DOCK10: variants seen among roughly 807,000 people sequenced by gnomAD.
DOCK10 encodes dedicator of cytokinesis protein 10.
In DOCK10, 145 loss-of-function variants were observed where a neutral mutation model predicts 280.1. That is an observed-to-expected ratio of 0.52 (90% CI 0.45 to 0.59). DOCK10 has a LOEUF of 0.59. Ranked by LOEUF, DOCK10 falls within the 20% of genes least tolerant of loss-of-function variation. The pLI is 0.00. For missense variants in DOCK10, 2,368 were observed against 2,651.7 expected (o/e 0.89, Z 2.35); for synonymous variants, 915 against 942.2 (o/e 0.97, Z 0.53).
At chr2:224,960,678 C>T (rs1471653253) in intron 1 of DOCK10, among the ~76,000 whole-genome samples, 1 of 146,492 alleles carries the variant, frequency 6.8e-6, no homozygotes, top group Non-Finnish European at 1.5e-5. Context: ...ACTTGGTACT[C>T]ATTTTCAACT....
chr2:224,841,807 A>C lies in DOCK10; in HGVS notation c.2658T>G (p.Cys886Trp). The change falls in exon 23 of 56, where the codon TGT (cysteine) becomes TGG (tryptophan). Residue 886 changes from cysteine to tryptophan, a missense_variant. By Grantham distance (215) the Cys-to-Trp change is radical (BLOSUM62 -2). Transcript: ENST00000258390. Reference protein sequence around the residue: ...QSPTSNFIRSCKNLLNVEKIH... With the variant: ...QSPTSNFIRSWKNLLNVEKIH... Reference sequence around the variant, plus strand: ...AACTGCTTGCATGTCATGTTACCTTACAAGAGCGGATGAAATTTGAGGTAG... The same window carrying C: ...AACTGCTTGCATGTCATGTTACCTTCCAAGAGCGGATGAAATTTGAGGTAG... 1 of 1,606,942 alleles carries C rather than the reference A, an allele frequency of 6.2e-7. No homozygotes were observed. The highest frequency in any genetic ancestry group is 1.1e-5 in the South Asian group (1 of 90,922).
intron 24 of DOCK10, 40 bp from the exon 25 acceptor site, chr2:224,837,871 G>A (rs755758935): frequency 7.0e-5 from 107 of 1,522,658 alleles, no homozygotes; most frequent in Non-Finnish European, 9.6e-5. Context: ...TCTGGAGAGG[G>A]CAGAAAAACC....
intron 1 of DOCK10, among the ~76,000 whole-genome samples, chr2:225,011,079 T>C (rs1159834314): frequency 6.6e-6 from 1 of 152,224 alleles, no homozygotes; most frequent in Non-Finnish European, 1.5e-5. Context: ...AAAGTAGTGA[T>C]GGAAAATATT....
chr2:224,905,023 T>C (rs1046891821), intron 3 of DOCK10, among the ~76,000 whole-genome samples: 1 of 152,178 alleles, frequency 6.6e-6, no homozygotes, highest in Non-Finnish European at 1.5e-5. Context: ...AAGTCTTATC[T>C]TGAATATTCA....
intron 1 of DOCK10, among the ~76,000 whole-genome samples, chr2:225,035,221 A>T (rs998384174): frequency 1.3e-5 from 2 of 152,092 alleles, no homozygotes; most frequent in African/African-American, 4.8e-5. Flanking sequence ...CAAGTGCATA[A>T]TGGAACTCCA....
At chr2:225,005,048 G>C (rs901207978) in intron 1 of DOCK10, among the ~76,000 whole-genome samples, 1 of 152,126 alleles carries the variant, frequency 6.6e-6, no homozygotes, top group Non-Finnish European at 1.5e-5. Flanking sequence ...TAGAAAAGAG[G>C]TCATTAGATA....
At chr2:225,041,886 A>G (rs1487890598) in intron 1 of DOCK10, among the ~76,000 whole-genome samples, 2 of 151,908 alleles carry the variant, frequency 1.3e-5, no homozygotes, top group Non-Finnish European at 2.9e-5. Context: ...AGATCCCCCC[A>G]CCCCACCCGG....
intron 1 of DOCK10, among the ~76,000 whole-genome samples, chr2:225,031,993 A>G (rs1690091064): frequency 6.6e-6 from 1 of 152,236 alleles, no homozygotes; most frequent in East Asian, 1.9e-4. Flanking sequence ...GTTTTATGCT[A>G]CCATCTTCAC....
At chr2:225,018,568 TATATATATATA>T (rs552424008) in intron 1 of DOCK10, among the ~76,000 whole-genome samples, 3,393 of 25,846 alleles carry the variant, frequency 0.13, 1,121 homozygotes, top group Non-Finnish European at 0.17. Flanking sequence ...TATGTAATAT[TATATATATATA>T]ATATATATGT....
At chr2:224,853,215 T>C (rs1224853927) in intron 16 of DOCK10, 93 bp from the exon 17 acceptor site, 11 of 1,121,390 alleles carry the variant, frequency 9.8e-6, no homozygotes, top group Non-Finnish European at 1.3e-5. Context: ...CCACTCAAGA[T>C]AGAAACTCCT....
rs1019763675 is a variant in DOCK10, at chr2:224,855,643, ACT to A, written c.1809-603_1809-602del. Among the ~76,000 whole-genome samples, 4 of 151,348 alleles carry A rather than the reference ACT, an allele frequency of 2.6e-5. No homozygotes were observed. The East Asian group carries it at 7.8e-4, about 29-fold the overall frequency. On this transcript the variant is annotated intron_variant, in intron 15 of 55. Transcript: ENST00000258390. ...GCTCAAGTCCTTGCATTTCCCTCCCACTCTCTCTCTATTAAAACCTCTCGCCA... is the reference window on the plus strand; with the variant it reads ...GCTCAAGTCCTTGCATTTCCCTCCCACTCTCTCTATTAAAACCTCTCGCCA...
intron 4 of DOCK10, among the ~76,000 whole-genome samples, chr2:224,888,803 AATAT>A (rs72435694): frequency 1.4e-5 from 2 of 145,048 alleles, no homozygotes; most frequent in Non-Finnish European, 3.0e-5. Context: ...TGTATGTGTG[AATAT>A]ATATGTGTGT....
chr2:224,855,030 T>C lies in DOCK10; in HGVS notation c.1821A>G (p.Ile607Met). 1 of 1,604,556 alleles carries C rather than the reference T, an allele frequency of 6.2e-7. No homozygotes were observed. Among genetic ancestry groups the C allele is most frequent in the Non-Finnish European group, 8.5e-7 (1 of 1,175,716 alleles). The change falls in exon 16 of 56, where the codon ATA becomes ATG. Residue 607 changes from isoleucine to methionine, a missense_variant. Ile to Met is a conservative substitution (Grantham distance 10). Coordinates refer to ENST00000258390, the MANE Select transcript of DOCK10 (RefSeq NM_014689.3). ...LVSDYRRADR[I>M]SKMQTIPGSL... ...TTCCAGGAATGGTCTGCATTTTGCT[T>C]ATTCTGTCGGCCCTGTAAGAGTGCA...
At chr2:224,877,495 T>TCCTATTCTATTGGAATAGGTA (rs1559634534) in intron 7 of DOCK10, among the ~76,000 whole-genome samples, 5 of 149,304 alleles carry the variant, frequency 3.3e-5, no homozygotes, top group Non-Finnish European at 7.4e-5. Context: ...TGGAATAGGT[T>TCCTATTCTATTGGAATAGGTA]CCTATTCCAA....
Position 224,770,585 on chromosome 2 carries a change from AC to A in DOCK10, c.6264del (p.Lys2088AsnfsTer7). 1 of 1,613,968 alleles carries A rather than the reference AC, an allele frequency of 6.2e-7. No homozygotes were observed. The highest frequency in any genetic ancestry group is 8.5e-7 in the Non-Finnish European group (1 of 1,179,822). On this transcript the variant is annotated frameshift_variant, in exon 54 of 56. Coordinates refer to ENST00000258390, the MANE Select transcript of DOCK10 (RefSeq NM_014689.3). LOFTEE classifies it high-confidence loss of function. The surrounding 1 kb of genome is among the most constrained non-coding windows in gnomAD (Gnocchi z 4.5). ...RAFLEETNAK[K>X]YPDNQVKLLK... ...AAAAGCTTTACTTGGTTGTCAGGGTACTTCTTTGCATTGGTTTCTTCAAGAA... is the reference window on the plus strand; with the variant it reads ...AAAAGCTTTACTTGGTTGTCAGGGTATTCTTTGCATTGGTTTCTTCAAGAA...
At chr2:224,940,453 A>C (rs888489269) in intron 1 of DOCK10, among the ~76,000 whole-genome samples, 1 of 152,210 alleles carries the variant, frequency 6.6e-6, no homozygotes, top group Non-Finnish European at 1.5e-5. Flanking sequence ...GAATGGTCTT[A>C]AAGGAGGACC....
At chr2:224,982,458 G>C in intron 1 of DOCK10, 3 of 1,228,956 alleles carry the variant, frequency 2.4e-6, no homozygotes, top group Non-Finnish European at 3.0e-6. Flanking sequence ...AGCCTACACT[G>C]CAGCTGCAGC....
At chr2:225,021,432 C>T (rs1487306635) in intron 1 of DOCK10, among the ~76,000 whole-genome samples, 1 of 152,124 alleles carries the variant, frequency 6.6e-6, no homozygotes, top group Non-Finnish European at 1.5e-5. Flanking sequence ...TTCAAAACTG[C>T]CCTTAGTGTT....
At chr2:225,017,662 G>A (rs1689650843) in intron 1 of DOCK10, among the ~76,000 whole-genome samples, 1 of 144,140 alleles carries the variant, frequency 6.9e-6, no homozygotes, top group Non-Finnish European at 1.5e-5. Flanking sequence ...GGATAGAACT[G>A]TCTAGCCAAA....
Sources: allele counts gnomAD v4.1 joint callset (sites outside exome capture counted in the v4.1 genomes callset), GRCh38; gene constraint gnomAD v4.1.1; non-coding constraint Gnocchi (gnomAD v3.1); transcripts MANE v1.5; gene names NCBI Gene and HGNC (gene_info 2026-07-23, HGNC 2026-07-21).